The following CLASRP variants were observed in gnomAD, a reference collection of about 807,000 sequenced individuals.
CLASRP encodes the protein CLK4 associating serine/arginine rich protein, also known as CLK4-associating serine/arginine rich protein.
Under a neutral mutation model 99.9 loss-of-function variants are expected in CLASRP, and 52 were observed. The ratio of observed to expected loss-of-function variants is 0.52; its 90% confidence interval spans 0.42 to 0.66. The LOEUF is 0.66. CLASRP is among the 30% of genes least tolerant of loss of function. CLASRP has a pLI of 0.00. For missense variants in CLASRP, 848 were observed against 999.2 expected (o/e 0.85, Z 2.04); for synonymous variants, 379 against 373.0 (o/e 1.02, Z -0.18).
rs1253557407 is a variant in CLASRP at position 45,067,684 on chromosome 19, C to T, written c.1667+90C>T. 5 of 1,271,270 alleles carry T rather than the reference C, an allele frequency of 3.9e-6. No homozygotes were observed. Among genetic ancestry groups the T allele is most frequent in the Non-Finnish European group, 5.4e-6 (5 of 925,638 alleles). 78.7% of individuals were successfully genotyped at this position (1,271,270 alleles called of 1,614,324 possible). ...TTTTCTTTTTGAGGGGAACTTAGCC[C>T]TACCCTGGGAGGTCTGGGGGGTGGT... On this transcript the variant is annotated intron_variant, in intron 14 of 20. Transcript: ENST00000221455. The surrounding 1 kb of genome is among the most constrained non-coding windows in gnomAD (Gnocchi z 4.9).
chr19:45,064,636 TGTGGCTGGGCGTGGAGGTGGGA>T lies in CLASRP; in HGVS notation c.1409+8_1409+29del. 2 of 1,544,894 alleles carry T rather than the reference TGTGGCTGGGCGTGGAGGTGGGA, an allele frequency of 1.3e-6. No individual in the cohort carries two copies. The highest frequency in any genetic ancestry group is 2.4e-5 in the South Asian group (2 of 84,202). ...GGGCCCCGGCGCAGAAGCAGGTGTGTGTGGCTGGGCGTGGAGGTGGGAGGGGCTGGGGGGGCGCGGTCTCCGA... is the reference window on the plus strand; with the variant it reads ...GGGCCCCGGCGCAGAAGCAGGTGTGTGGGGCTGGGGGGGCGCGGTCTCCGA... On this transcript the variant is annotated splice_region_variant and intron_variant, in intron 13 of 20. Coordinates refer to ENST00000221455, the MANE Select transcript of CLASRP (RefSeq NM_007056.3).
At chr19:45,066,116 T>C (rs567602141) in intron 13 of CLASRP, among the ~76,000 whole-genome samples, 53 of 152,048 alleles carry the variant, frequency 3.5e-4, no homozygotes, top group Non-Finnish European at 5.7e-4. Flanking sequence ...AGGATAGCTC[T>C]TGTTTCCTTT....
intron 13 of CLASRP, among the ~76,000 whole-genome samples, chr19:45,066,356 G>C (rs907293040): frequency 6.6e-6 from 1 of 152,144 alleles, no homozygotes; most frequent in Non-Finnish European, 1.5e-5. Flanking sequence ...CTGACCTCAT[G>C]ATCCACCCAC....
chr19:45,068,188 G>A, intron 15 of CLASRP, 134 bp downstream of exon 15: 1 of 773,896 alleles, frequency 1.3e-6, no homozygotes, highest in East Asian at 2.6e-5. Flanking sequence ...GGAGGGGAAG[G>A]GTCTGCCCCT....
chr19:45,069,386 C>A (rs1967180442), intron 18 of CLASRP, 138 bp downstream of exon 18: 1 of 822,748 alleles, frequency 1.2e-6, no homozygotes, highest in Non-Finnish European at 2.0e-6. Context: ...GCCCTCGGGG[C>A]TGTGCCCAGC....
intron 2 of CLASRP, among the ~76,000 whole-genome samples, chr19:45,050,740 C>T (rs1972007446): frequency 6.6e-6 from 1 of 152,008 alleles, no homozygotes; most frequent in African/African-American, 2.4e-5. Context: ...GAGATGGAGT[C>T]TCGCTCTTGT....
intron 18 of CLASRP, 73 bp downstream of exon 18, chr19:45,069,321 G>C: frequency 6.8e-7 from 1 of 1,481,286 alleles, no homozygotes; most frequent in East Asian, 2.3e-5. Context: ...TGGGCTGCTG[G>C]CTCAAGCCCT....
At position 45,057,823 on chromosome 19, in the gene CLASRP, G is replaced by C; in HGVS notation, c.538G>C (p.Glu180Gln). Reference protein sequence around the residue: ...STVAEVEKAAEKPEEEESAAE... With the variant: ...STVAEVEKAAQKPEEEESAAE... ...GGTGGCCGAGGTAGAGAAGGCGGCA[G>C]AAAAGCCAGAGGAGGAGGAGTCAGC... The change falls in exon 7 of 21, where the codon GAA becomes CAA. Residue 180 changes from glutamate to glutamine, a missense_variant. Transcript: ENST00000221455. The C allele has an allele frequency of 6.2e-7, 1 of 1,614,082 alleles. No individual in the cohort carries two copies. Among genetic ancestry groups the C allele is most frequent in the South Asian group, 1.1e-5 (1 of 91,092 alleles).
At position 45,053,048 on chromosome 19, in the gene CLASRP, G is replaced by A. The variant is rs753379348; in HGVS notation, c.300-50G>A. The A allele has an allele frequency of 3.1e-6, 5 of 1,604,828 alleles. No homozygotes were observed. The South Asian group carries it at 3.3e-5, about 11-fold the overall frequency. On this transcript the variant is annotated intron_variant, in intron 4 of 20. Coordinates refer to ENST00000221455, the MANE Select transcript of CLASRP (RefSeq NM_007056.3). ...TCATTTCCCTTCCTGCTGGCTTGGG[G>A]GGGGATCCACTCCTTCTCTCTGATT...
rs192052067 is a variant in CLASRP at position 45,065,521 on chromosome 19, A to G, written c.1409+891A>G. ...GGTTGCAGTGAGCCGAGATTGTGCC[A>G]CTGCACCCCAGCTTGGGCTACAGAG... On this transcript the variant is annotated intron_variant, in intron 13 of 20. Coordinates refer to ENST00000221455, the MANE Select transcript of CLASRP (RefSeq NM_007056.3). Among the ~76,000 whole-genome samples, 338 of 151,294 alleles carry G rather than the reference A, an allele frequency of 2.2e-3. 1 individual carries two copies. Among genetic ancestry groups the G allele is most frequent in the Non-Finnish European group, 3.4e-3 (229 of 67,852 alleles).
At chr19:45,056,055 C>T (rs1331433834) in intron 5 of CLASRP, among the ~76,000 whole-genome samples, 1 of 152,094 alleles carries the variant, frequency 6.6e-6, no homozygotes. Flanking sequence ...GAGAGGCATG[C>T]AGTGGAGTGA....
chr19:45,069,258 T>C lies in CLASRP; in HGVS notation c.1874+10T>C. 1 of 1,612,550 alleles carries C rather than the reference T, an allele frequency of 6.2e-7. No individual in the cohort carries two copies. Among genetic ancestry groups the C allele is most frequent in the Non-Finnish European group, 8.5e-7 (1 of 1,179,892 alleles). ...GCAAGATCCGCATGAAGTAAGACCT[T>C]GCCCCTCCCTGTCCCATGGCCACAC... is the stretch of plus-strand genomic sequence containing the variant. On this transcript the variant is annotated intron_variant, in intron 18 of 20. Coordinates refer to ENST00000221455, the MANE Select transcript of CLASRP (RefSeq NM_007056.3).
intron 2 of CLASRP, 195 bp downstream of exon 2, chr19:45,040,506 C>T (rs1568409224): frequency 2.1e-6 from 1 of 482,288 alleles, no homozygotes; most frequent in Non-Finnish European, 3.8e-6. Context: ...CATACTGTGT[C>T]GTTTGGTGTG....
chr19:45,058,104 C>T, intron 7 of CLASRP: 2 of 621,632 alleles, frequency 3.2e-6, no homozygotes, highest in Non-Finnish European at 5.6e-6. Context: ...TCTCTCATTT[C>T]TAGGGTGCTA....
intron 7 of CLASRP, among the ~76,000 whole-genome samples, chr19:45,058,467 C>T (rs1192972053): frequency 6.6e-6 from 1 of 152,108 alleles, no homozygotes; most frequent in Non-Finnish European, 1.5e-5. Flanking sequence ...CTCACTGCAA[C>T]CTCCACCTCC....
rs75239542 is a variant in CLASRP at position 45,068,174 on chromosome 19, G to C, written c.1707+120G>C. 240 of 854,500 alleles carry C rather than the reference G, an allele frequency of 2.8e-4. 1 individual carries two copies. The African/African-American group carries it at 3.5e-3, about 13-fold the overall frequency. The allele number at this position is 854,500 out of a possible 1,614,324, so 52.9% of individuals were successfully genotyped here. A position where few individuals can be genotyped will look rare whatever the true frequency, so the allele number is the denominator to read the frequency against. ...TGGGAGATCCAGCCCCAGGGACAGG[G>C]AGGGGAGGGGAAGGGTCTGCCCCTG... On this transcript the variant is annotated intron_variant, in intron 15 of 20. Coordinates refer to ENST00000221455, the MANE Select transcript of CLASRP (RefSeq NM_007056.3).
Position 45,067,316 on chromosome 19 carries a change from C to T in CLASRP, c.1410-21C>T. ...GTCCCTGGAGCCTCACAGTCCTCCT[C>T]CCGCCCTGCTGCATCCCCAGGAGCC... On this transcript the variant is annotated intron_variant, in intron 13 of 20. Transcript: ENST00000221455. The surrounding 1 kb of genome is among the most constrained non-coding windows in gnomAD (Gnocchi z 4.9). 1 of 1,487,672 alleles carries T rather than the reference C, an allele frequency of 6.7e-7. No homozygotes were observed. The highest frequency in any genetic ancestry group is 8.9e-7 in the Non-Finnish European group (1 of 1,122,676). 92.2% of individuals were successfully genotyped at this position (1,487,672 alleles called of 1,614,324 possible). A position where few individuals can be genotyped will look rare whatever the true frequency, so the allele number is the denominator to read the frequency against.
At chr19:45,069,755 C>T in intron 18 of CLASRP, 1 of 498,720 alleles carries the variant, frequency 2.0e-6, no homozygotes, top group Non-Finnish European at 3.6e-6. Context: ...TCACTGTGTG[C>T]AGGTGCCCCA....
rs994778838 is a variant in CLASRP, at chr19:45,067,277, G to C, written c.1410-60G>C. On this transcript the variant is annotated intron_variant, in intron 13 of 20. Transcript: ENST00000221455. This position sits in a 1 kb window ranked among gnomAD's most constrained non-coding sequence, Gnocchi z 4.9. ...AGGACTGTGGATCCGGACCCAGGGT[G>C]GGGTGCGGTTGGGGTCCCTGGAGCC... 10 of 1,442,614 alleles carry C rather than the reference G, an allele frequency of 6.9e-6. No homozygotes were observed. Among genetic ancestry groups the C allele is most frequent in the Non-Finnish European group, 9.1e-6 (10 of 1,101,264 alleles). The allele number at this position is 1,442,614 out of a possible 1,614,324, so 89.4% of individuals were successfully genotyped here.
Sources: gnomAD v4.1 joint callset for allele counts (sites outside exome capture counted in the v4.1 genomes callset) on GRCh38, gnomAD v4.1.1 for gene constraint, Gnocchi (gnomAD v3.1) non-coding constraint, MANE v1.5 for transcripts, NCBI Gene and HGNC (gene_info 2026-07-23, HGNC 2026-07-21) for gene names.